The following DDX4 variants were observed in gnomAD, a reference collection of about 807,000 sequenced individuals.
The protein encoded by DDX4 is DEAD-box helicase 4, also known as probable ATP-dependent RNA helicase DDX4.
DDX4 carries 25 observed loss-of-function variants against 100.0 expected under a neutral mutation model. That is an observed-to-expected ratio of 0.25 (90% CI 0.18 to 0.35). The LOEUF (loss-of-function observed/expected upper bound fraction) is 0.35, where lower values mean the gene tolerates loss of function less well. Among genes scored for constraint, DDX4 ranks in the 10% least tolerant of loss-of-function variants. The probability of loss-of-function intolerance (pLI) is 1.00; values close to 1 mark genes in which losing one functional copy is unlikely to be tolerated. For synonymous variants in DDX4, 259 were observed against 275.7 expected (o/e 0.94, Z 0.60); for missense variants, 635 against 882.4 (o/e 0.72, Z 3.55).
rs1742929385 is a variant in DDX4, at chr5:55,796,267, C to G, written c.1470-2159C>G. ...TCTGGTAGCACCCTCAGAGACACAT[C>G]CAGAAACAATGTTTCACTGGCCATC... On this transcript the variant is annotated intron_variant, in intron 17 of 21. Transcript: ENST00000505374. Among the ~76,000 whole-genome samples, 5 of 152,194 alleles carry G rather than the reference C, an allele frequency of 3.3e-5. No homozygotes were observed. The South Asian group carries it at 1.0e-3, about 31-fold the overall frequency.
At chr5:55,749,733 C>T (rs1004095126) in intron 3 of DDX4, among the ~76,000 whole-genome samples, 1 of 150,574 alleles carries the variant, frequency 6.6e-6, no homozygotes, top group African/African-American at 2.4e-5. Flanking sequence ...TTGAAACAAG[C>T]TGTTTGTGGG....
chr5:55,781,232 G>C, intron 9 of DDX4, 86 bp downstream of exon 9: 1 of 1,085,118 alleles, frequency 9.2e-7, no homozygotes, highest in Non-Finnish European at 1.3e-6. Flanking sequence ...ATATGTTAAA[G>C]TATACTAGTT....
chr5:55,752,555 T>G (rs762674442), intron 3 of DDX4, among the ~76,000 whole-genome samples: 36 of 145,840 alleles, frequency 2.5e-4, no homozygotes, highest in Non-Finnish European at 4.9e-4. Flanking sequence ...GGTGTATATG[T>G]GCCACATTTT....
intron 7 of DDX4, among the ~76,000 whole-genome samples, chr5:55,778,788 G>A: frequency 6.6e-6 from 1 of 152,094 alleles, no homozygotes; most frequent in South Asian, 2.1e-4. Context: ...CAGCTACTTG[G>A]GAGGCTGAGA....
At position 55,816,704 on chromosome 5, in the gene DDX4, A is replaced by C. The variant is rs201901220; in HGVS notation, c.*164A>C. On this transcript the variant is annotated 3_prime_UTR_variant, in exon 22 of 22. Transcript: ENST00000505374. ...AATCCTTACTGACTAGTTATGTGAG[A>C]TGCTAAAACTTACAACATTGCAGTT... The C allele has an allele frequency of 3.3e-6, 4 of 1,223,454 alleles. No individual in the cohort carries two copies. The East Asian group carries it at 1.1e-4, about 32-fold the overall frequency. 75.8% of individuals were successfully genotyped at this position (1,223,454 alleles called of 1,614,324 possible).
At chr5:55,801,651 A>G (rs1743316783) in intron 18 of DDX4, among the ~76,000 whole-genome samples, 1 of 152,212 alleles carries the variant, frequency 6.6e-6, no homozygotes, top group Non-Finnish European at 1.5e-5. Context: ...GTTTGGTCTT[A>G]TGTTTGGCTT....
intron 7 of DDX4, among the ~76,000 whole-genome samples, chr5:55,769,769 T>C (rs1741142104): frequency 6.6e-6 from 1 of 152,074 alleles, no homozygotes; most frequent in Non-Finnish European, 1.5e-5. Flanking sequence ...CAAACTATAC[T>C]ACAAGGCTGT....
At chr5:55,801,509 A>C (rs957816068) in intron 18 of DDX4, among the ~76,000 whole-genome samples, 3 of 152,236 alleles carry the variant, frequency 2.0e-5, no homozygotes, top group African/African-American at 7.2e-5. Context: ...ATGAAAAAGA[A>C]TATAGAAGGC....
intron 17 of DDX4, among the ~76,000 whole-genome samples, chr5:55,796,751 A>G (rs1742965576): frequency 6.7e-6 from 1 of 148,184 alleles, no homozygotes; most frequent in Non-Finnish European, 1.5e-5. Context: ...TTAGTGTTCC[A>G]CATTCTTGCC....
chr5:55,756,438 A>G (rs1759942645), intron 3 of DDX4, among the ~76,000 whole-genome samples: 1 of 152,206 alleles, frequency 6.6e-6, no homozygotes, highest in Admixed American at 6.6e-5. Context: ...ATTAGAAGTC[A>G]GGAGAGCTGG....
chr5:55,783,711 GA>G (rs1190254454), intron 10 of DDX4, among the ~76,000 whole-genome samples: 1 of 150,624 alleles, frequency 6.6e-6, no homozygotes, highest in East Asian at 2.0e-4. Flanking sequence ...GGATGAGAAG[GA>G]ACTAATTAGG....
At chr5:55,763,072 C>A in intron 4 of DDX4, 103 bp from the exon 5 acceptor site, 1 of 738,472 alleles carries the variant, frequency 1.4e-6, no homozygotes, top group Non-Finnish European at 2.3e-6. Flanking sequence ...TTTTCCCATC[C>A]TTGGAAGTCT....
Position 55,767,830 on chromosome 5 carries a change from G to A in DDX4, c.335-51G>A, listed in dbSNP as rs766025305. ...GTGACAGTGCTATTCTTTATATATT[G>A]CATCATTTAAGTTAATTAAATGCTA... On this transcript the variant is annotated intron_variant, in intron 6 of 21. Transcript: ENST00000505374. 5.9e-6 allele frequency: 8 copies of A among 1,362,220 alleles called. No individual in the cohort carries two copies. In the South Asian group the frequency reaches 9.8e-5, roughly 17 times the overall value. The allele number at this position is 1,362,220 out of a possible 1,614,324, so 84.4% of individuals were successfully genotyped here.
At chr5:55,769,861 T>G (rs1016980132) in intron 7 of DDX4, among the ~76,000 whole-genome samples, 12 of 151,396 alleles carry the variant, frequency 7.9e-5, no homozygotes, top group African/African-American at 2.7e-4. Context: ...AAATAATGCC[T>G]TCTTTTACTT....
chr5:55,757,211 A>G (rs1580527771), intron 3 of DDX4, among the ~76,000 whole-genome samples: 1 of 152,146 alleles, frequency 6.6e-6, no homozygotes, highest in African/African-American at 2.4e-5. Context: ...TGAACCCATT[A>G]CCTGAGCAGT....
At position 55,763,236 on chromosome 5, in the gene DDX4, G is replaced by C; in HGVS notation, c.267G>C (p.Lys89Asn). ...TSTMGGFGVG[K>N]SFGNRGFSNS... ...CAATGGGTGGTTTTGGAGTTGGAAA[G>C]AGTTTTGGAAACAGAGGTAATTACT... Residue 89 changes from lysine to asparagine, a missense_variant, in exon 5 of 22, where the codon AAG (lysine) becomes AAC (asparagine). This residue lies in a region of DDX4 where 446 missense variants were observed against 540.8 expected (regional missense o/e 0.82). Coordinates refer to ENST00000505374, the MANE Select transcript of DDX4 (RefSeq NM_024415.3). The C allele has an allele frequency of 6.2e-7, 1 of 1,609,204 alleles. No individual in the cohort carries two copies. Among genetic ancestry groups the C allele is most frequent in the Non-Finnish European group, 8.5e-7 (1 of 1,175,854 alleles).
Position 55,785,738 on chromosome 5 carries a change from T to G in DDX4, c.731T>G (p.Val244Gly). ...TAATTTAAATTCCAAGGACCAAAAG[T>G]GACCTACATACCCCCTCCTCCACCT... ...GESSDTQGPK[V>G]TYIPPPPPED... Residue 244 changes from valine to glycine, a missense_variant, in exon 13 of 22, where the codon GTG (valine) becomes GGG (glycine). Physicochemically the swap from Val to Gly is moderately radical, Grantham distance 109 (BLOSUM62 -3). This residue lies in a region of DDX4 where 446 missense variants were observed against 540.8 expected (regional missense o/e 0.82). Transcript: ENST00000505374. 1 of 1,611,882 alleles carries G rather than the reference T, an allele frequency of 6.2e-7. No individual in the cohort carries two copies.
In DDX4 at chr5:55,816,651, G is replaced by T; in HGVS notation, c.*111G>T. Reference sequence around the variant, plus strand: ...TAACATTCTCATAGCTCCTGTCCTTGTATTCTCACTCCTACACTTAAAAAA... The same window carrying T: ...TAACATTCTCATAGCTCCTGTCCTTTTATTCTCACTCCTACACTTAAAAAA... On this transcript the variant is annotated 3_prime_UTR_variant, in exon 22 of 22. Coordinates refer to ENST00000505374, the MANE Select transcript of DDX4 (RefSeq NM_024415.3). 6.7e-7 allele frequency: 1 copy of T among 1,492,324 alleles called. No homozygotes were observed. 92.4% of individuals were successfully genotyped at this position (1,492,324 alleles called of 1,614,324 possible).
At chr5:55,810,653 T>C (rs1176339458) in intron 18 of DDX4, among the ~76,000 whole-genome samples, 2 of 152,202 alleles carry the variant, frequency 1.3e-5, no homozygotes, top group Admixed American at 1.3e-4. Flanking sequence ...CATACAACTC[T>C]TAAATAGTAA....
Sources: allele counts gnomAD v4.1 joint callset (sites outside exome capture counted in the v4.1 genomes callset), GRCh38; gene constraint gnomAD v4.1.1; regional missense constraint gnomAD v4.1.1; transcripts MANE v1.5; gene names NCBI Gene and HGNC (gene_info 2026-07-23, HGNC 2026-07-21).